The following NRXN3 variants were observed in gnomAD, a reference collection of about 807,000 sequenced individuals.
The protein encoded by NRXN3 is neurexin III.
A neutral mutation model predicts 137.6 loss-of-function variants in NRXN3; 32 were observed. The ratio of observed to expected loss-of-function variants is 0.23; its 90% confidence interval spans 0.18 to 0.31. NRXN3 has a LOEUF of 0.31. Ranked by LOEUF, NRXN3 falls within the 10% of genes least tolerant of loss-of-function variation. NRXN3 has a pLI of 1.00. For missense variants in NRXN3, 1,574 were observed against 2,062.5 expected, an observed-to-expected ratio of 0.76 and a Z score of 4.59; for synonymous variants, 798 against 784.5, an observed-to-expected ratio of 1.02 and a Z score of -0.29.
chr14:78,208,385 G>A lies in NRXN3; in HGVS notation c.-703-34006G>A, dbSNP rs60410935. On this transcript the variant is annotated intron_variant, in intron 1 of 20. Transcript: ENST00000335750. ...AAACTCAACAGTTTGTCATTGTTCA[G>A]TACCATTGTGCTTTTCCTTGTGTTT... Among the ~76,000 whole-genome samples, 1,185 of 152,278 alleles carry A rather than the reference G, an allele frequency of 7.8e-3. 37 individuals carry two copies. The East Asian group carries it at 0.1, about 13-fold the overall frequency.
intron 15 of NRXN3, among the ~76,000 whole-genome samples, chr14:79,147,026 A>G (rs779900882): frequency 6.6e-6 from 1 of 152,158 alleles, no homozygotes; most frequent in Non-Finnish European, 1.5e-5. Flanking sequence ...GGGGAACAGC[A>G]GAAAGATGTA....
At chr14:78,737,923 CTCTG>C (rs1233516498) in intron 8 of NRXN3, among the ~76,000 whole-genome samples, 1 of 152,160 alleles carries the variant, frequency 6.6e-6, no homozygotes, top group Non-Finnish European at 1.5e-5. Context: ...GATTGCTCTG[CTCTG>C]TCTATCACTG....
At chr14:79,065,623 G>A (rs1189457835) in intron 15 of NRXN3, among the ~76,000 whole-genome samples, 2 of 152,186 alleles carry the variant, frequency 1.3e-5, no homozygotes, top group East Asian at 3.9e-4. Context: ...AAAGGTGCTG[G>A]CGGGGTTGGT....
chr14:79,690,411 T>C (rs1241431709), intron 17 of NRXN3, among the ~76,000 whole-genome samples: 1 of 152,086 alleles, frequency 6.6e-6, no homozygotes, highest in Non-Finnish European at 1.5e-5. Context: ...TTGCCTGCCC[T>C]CTCCATTTTT....
chr14:79,421,326 T>A (rs4903856), intron 15 of NRXN3, among the ~76,000 whole-genome samples: 49,205 of 152,074 alleles, frequency 0.32, 8,240 homozygotes, highest in Admixed American at 0.39. Flanking sequence ...ATAAAATTTA[T>A]GAGAAACTTT....
intron 4 of NRXN3, among the ~76,000 whole-genome samples, chr14:78,640,633 A>G (rs1288971504): frequency 1.3e-5 from 2 of 152,240 alleles, no homozygotes; most frequent in Non-Finnish European, 2.9e-5. Flanking sequence ...GCTTATTAAT[A>G]CTAAGTATAT....
intron 15 of NRXN3, among the ~76,000 whole-genome samples, chr14:79,035,675 C>T (rs763316976): frequency 3.3e-5 from 5 of 152,012 alleles, no homozygotes; most frequent in African/African-American, 1.2e-4. Context: ...ATATGATTTC[C>T]GTTTCTACAC....
intron 15 of NRXN3, among the ~76,000 whole-genome samples, chr14:78,998,209 C>T (rs758107877): frequency 1.3e-5 from 2 of 152,130 alleles, no homozygotes; most frequent in Non-Finnish European, 2.9e-5. Flanking sequence ...TAGTTCCAGT[C>T]TTTGTTACTC....
In NRXN3 at chr14:79,269,092, A is replaced by C. The variant is rs570880590; in HGVS notation, c.3263-198129A>C. On this transcript the variant is annotated intron_variant, in intron 15 of 20. Coordinates refer to ENST00000335750, the MANE Select transcript of NRXN3 (RefSeq NM_001330195.2). ...TGAGACGGAGTCTCGCTCTGTCGCCAAGGCTGGAGTGCAGTGGCACAATCT... is the reference window on the plus strand; with the variant it reads ...TGAGACGGAGTCTCGCTCTGTCGCCCAGGCTGGAGTGCAGTGGCACAATCT... Among the ~76,000 whole-genome samples, 556 of 151,034 alleles carry C rather than the reference A, an allele frequency of 3.7e-3. 5 individuals are homozygous for C. The highest frequency in any genetic ancestry group is 0.013 in the African/African-American group (528 of 40,846).
At chr14:78,455,703 T>G (rs2094681253) in intron 4 of NRXN3, among the ~76,000 whole-genome samples, 1 of 152,140 alleles carries the variant, frequency 6.6e-6, no homozygotes, top group Non-Finnish European at 1.5e-5. Flanking sequence ...TGCCCCATTC[T>G]ACAGAGAGGC....
chr14:79,413,682 G>A (rs971454636), intron 15 of NRXN3, among the ~76,000 whole-genome samples: 2 of 151,900 alleles, frequency 1.3e-5, no homozygotes, highest in African/African-American at 2.4e-5. Context: ...TTCAAAAATC[G>A]ACTCATAACT....
At chr14:79,533,729 T>C (rs2097188865) in intron 16 of NRXN3, among the ~76,000 whole-genome samples, 1 of 152,172 alleles carries the variant, frequency 6.6e-6, no homozygotes, top group Non-Finnish European at 1.5e-5. Flanking sequence ...AATCACTTTG[T>C]TGCATCGACA....
chr14:78,646,648 G>A (rs1483334777), intron 5 of NRXN3, among the ~76,000 whole-genome samples: 3 of 152,202 alleles, frequency 2.0e-5, no homozygotes, highest in Admixed American at 1.3e-4. Flanking sequence ...GGTATGTCAA[G>A]GAAGCCATCC....
chr14:79,821,146 T>C (rs758246768), intron 20 of NRXN3, among the ~76,000 whole-genome samples: 4 of 151,798 alleles, frequency 2.6e-5, no homozygotes, highest in Admixed American at 6.6e-5. Flanking sequence ...TCAAAGAGAT[T>C]AACAAGAACA....
intron 4 of NRXN3, among the ~76,000 whole-genome samples, chr14:78,503,728 G>A (rs1047924891): frequency 6.6e-6 from 1 of 152,096 alleles, no homozygotes; most frequent in Non-Finnish European, 1.5e-5. Context: ...TAAGCCTGAA[G>A]GTGGACATTA....
At chr14:78,882,233 G>T (rs1208702834) in intron 10 of NRXN3, among the ~76,000 whole-genome samples, 1 of 151,810 alleles carries the variant, frequency 6.6e-6, no homozygotes, top group East Asian at 1.9e-4. Flanking sequence ...GTGCAGAAGG[G>T]AAATGTGGGG....
intron 4 of NRXN3, among the ~76,000 whole-genome samples, chr14:78,514,391 C>A (rs727208): frequency 0.42 from 63,442 of 151,792 alleles, 13,439 homozygotes; most frequent in East Asian, 0.51. Context: ...CATAGCCAAG[C>A]GATCAGAGGC....
intron 15 of NRXN3, among the ~76,000 whole-genome samples, chr14:79,060,879 C>T (rs1034016053): frequency 4.4e-4 from 67 of 152,058 alleles, no homozygotes; most frequent in African/African-American, 1.6e-3. Flanking sequence ...GGAGAAGTTC[C>T]CATGGCTGTT....
rs150496703 is a variant in NRXN3, at chr14:79,483,500, A to G, written c.3444+16098A>G. On this transcript the variant is annotated intron_variant, in intron 16 of 20. Transcript: ENST00000335750. The stretch of plus-strand genomic sequence containing the variant: ...AGGTGAGGTGTTTGGTATAAACAGT[A>G]TATTAACAAAGAATTCTCCTATGGT... Among the ~76,000 whole-genome samples, 187 of 152,332 alleles carry G rather than the reference A, an allele frequency of 1.2e-3. 3 individuals carry two copies. The highest frequency in any genetic ancestry group is 8.1e-3 in the South Asian group (39 of 4,832).
Sources: gnomAD v4.1 joint callset for allele counts (sites outside exome capture counted in the v4.1 genomes callset) on GRCh38, gnomAD v4.1.1 for gene constraint, MANE v1.5 for transcripts, NCBI Gene and HGNC (gene_info 2026-07-23, HGNC 2026-07-21) for gene names.